The following STK32B variants were observed in gnomAD, a reference collection of about 807,000 sequenced individuals.
STK32B encodes serine/threonine-protein kinase 32B.
A neutral mutation model predicts 52.6 loss-of-function variants in STK32B; 43 were observed. The ratio of observed to expected loss-of-function variants is 0.82; its 90% CI spans 0.64 to 1.05. The LOEUF (loss-of-function observed/expected upper bound fraction) is 1.05, where lower values mean the gene tolerates loss of function less well. Ranked by LOEUF, STK32B falls within the 50% of genes least tolerant of loss-of-function variation. The pLI is 0.00. For missense variants in STK32B, 621 were observed against 534.6 expected, an observed-to-expected ratio of 1.16 and a Z score of -1.59; for synonymous variants, 238 against 204.3, an observed-to-expected ratio of 1.17 and a Z score of -1.41.
intron 11 of STK32B, among the ~76,000 whole-genome samples, chr4:5,471,081 G>T (rs1039571303): frequency 6.6e-6 from 1 of 152,208 alleles, no homozygotes; most frequent in Admixed American, 6.5e-5. Context: ...CACAGTGGGG[G>T]CTGCAAAGAT....
At chr4:5,332,816 G>A (rs1041957490) in intron 4 of STK32B, among the ~76,000 whole-genome samples, 1 of 152,172 alleles carries the variant, frequency 6.6e-6, no homozygotes, top group Non-Finnish European at 1.5e-5. Context: ...TCTCAAAAAG[G>A]ACATGAACTC....
rs1737121526 is a variant in STK32B, at chr4:5,399,166, T to A, written c.472+922T>A. ...TCAAAACTAAATTCACTGGCATTGC[T>A]TCAGGGGCCCGTCTCTCAGGGCCTA... On this transcript the variant is annotated intron_variant, in intron 5 of 11. Transcript: ENST00000282908. The surrounding 1 kb of genome is among the most constrained non-coding windows in gnomAD (Gnocchi z 5.4). Among the ~76,000 whole-genome samples the A allele has an allele frequency of 6.6e-6, 1 of 150,534 alleles. No individual in the cohort carries two copies. The highest frequency in any genetic ancestry group is 2.4e-5 in the African/African-American group (1 of 41,358).
intron 6 of STK32B, among the ~76,000 whole-genome samples, chr4:5,423,490 G>A (rs974637004): frequency 6.6e-6 from 1 of 152,164 alleles, no homozygotes; most frequent in Non-Finnish European, 1.5e-5. Context: ...AATGCCTGAT[G>A]AAAGGTAACT....
In STK32B at chr4:5,390,964, C is replaced by CTTTTTT. The variant is rs71638602; in HGVS notation, c.435-7229_435-7224dup. On this transcript the variant is annotated intron_variant, in intron 4 of 11. Coordinates refer to ENST00000282908, the MANE Select transcript of STK32B (RefSeq NM_018401.3). ...GTGTCTACCTGTGTCTCTTTTCTAT[C>CTTTTTT]TTTTTTTTTTTTTTTTTTTGAGACG... Among the ~76,000 whole-genome samples, 417 of 123,988 alleles carry CTTTTTT rather than the reference C, an allele frequency of 3.4e-3. 6 individuals carry two copies. Among genetic ancestry groups the CTTTTTT allele is most frequent in the African/African-American group, 0.011 (356 of 31,246 alleles). The allele number at this position is 123,988 out of a possible 152,430, so 81.3% of individuals were successfully genotyped here. A position where few individuals can be genotyped will look rare whatever the true frequency, so the allele number is the denominator to read the frequency against.
chr4:5,259,674 T>A (rs182878212), intron 3 of STK32B, among the ~76,000 whole-genome samples: 1 of 152,304 alleles, frequency 6.6e-6, no homozygotes, highest in Non-Finnish European at 1.5e-5. Context: ...CCTGTTTCCT[T>A]CCTCATTCTT....
the STK32B span, among the ~76,000 whole-genome samples, chr4:5,046,045 T>C: frequency 9.9e-5 from 15 of 152,252 alleles, no homozygotes; most frequent in South Asian, 3.1e-3. Flanking sequence ...AAGAAGACCC[T>C]GTATGGCCAA....
intron 3 of STK32B, among the ~76,000 whole-genome samples, chr4:5,175,891 C>G (rs931746898): frequency 1.1e-4 from 16 of 152,232 alleles, no homozygotes; most frequent in African/African-American, 3.9e-4. Flanking sequence ...CTTTGCCCTG[C>G]CCCCAGAGGT....
intron 1 of STK32B, among the ~76,000 whole-genome samples, chr4:5,053,250 C>T (rs571236015): frequency 1.1e-4 from 16 of 152,282 alleles, no homozygotes; most frequent in African/African-American, 3.4e-4. Flanking sequence ...CATTGAGAAA[C>T]CAGTGCAGGG....
At position 5,341,738 on chromosome 4, in the gene STK32B, C is replaced by T. The variant is rs140029728; in HGVS notation, c.434+10345C>T. Among the ~76,000 whole-genome samples, 18 of 152,226 alleles carry T rather than the reference C, an allele frequency of 1.2e-4. No homozygotes were observed. The South Asian group carries it at 2.7e-3, about 23-fold the overall frequency. ...GGGAAGCATGCTGCTGGCATCTGTTCGGCTTCTGGGGAGGCCTCAGGAAAC... is the reference window on the plus strand; with the variant it reads ...GGGAAGCATGCTGCTGGCATCTGTTTGGCTTCTGGGGAGGCCTCAGGAAAC... On this transcript the variant is annotated intron_variant, in intron 4 of 11. Coordinates refer to ENST00000282908, the MANE Select transcript of STK32B (RefSeq NM_018401.3).
At chr4:5,349,813 T>C (rs545211441) in intron 4 of STK32B, among the ~76,000 whole-genome samples, 139 of 152,204 alleles carry the variant, frequency 9.1e-4, no homozygotes, top group African/African-American at 2.9e-3. Context: ...GCAGAAATTC[T>C]GGAACTGAAG....
chr4:5,463,944 T>C (rs1443273532), intron 9 of STK32B, among the ~76,000 whole-genome samples: 1 of 152,184 alleles, frequency 6.6e-6, no homozygotes, highest in Non-Finnish European at 1.5e-5. Context: ...GTTGGGTAAT[T>C]TATAAAGAAG....
At chr4:5,384,862 G>A (rs1378266485) in intron 4 of STK32B, among the ~76,000 whole-genome samples, 1 of 152,156 alleles carries the variant, frequency 6.6e-6, no homozygotes, top group Non-Finnish European at 1.5e-5. Flanking sequence ...GAGGCCAGGT[G>A]TGGCCATGGA....
At chr4:5,167,448 G>C (rs565550133) in intron 2 of STK32B, among the ~76,000 whole-genome samples, 1 of 152,210 alleles carries the variant, frequency 6.6e-6, no homozygotes, top group East Asian at 1.9e-4. Context: ...GCTGTCCCCA[G>C]CTTCTCCTGT....
intron 2 of STK32B, among the ~76,000 whole-genome samples, chr4:5,160,419 G>C (rs1718348441): frequency 6.6e-6 from 1 of 152,114 alleles, no homozygotes; most frequent in Non-Finnish European, 1.5e-5. Context: ...TCATCTCTCT[G>C]AACTTCCACA....
chr4:5,260,495 G>T (rs1001755770), intron 3 of STK32B, among the ~76,000 whole-genome samples: 4 of 152,160 alleles, frequency 2.6e-5, no homozygotes, highest in Non-Finnish European at 5.9e-5. Flanking sequence ...CTTTAACTCT[G>T]CCTGGAATGA....
intron 3 of STK32B, among the ~76,000 whole-genome samples, chr4:5,231,574 G>T (rs111619771): frequency 6.6e-6 from 1 of 152,024 alleles, no homozygotes; most frequent in African/African-American, 2.4e-5. Flanking sequence ...ATTGCACCAC[G>T]GCACTCCAGC....
At chr4:5,226,283 G>A (rs1441272659) in intron 3 of STK32B, among the ~76,000 whole-genome samples, 2 of 151,970 alleles carry the variant, frequency 1.3e-5, no homozygotes, top group East Asian at 1.9e-4. Flanking sequence ...TTTCCTCCAC[G>A]TTGCATTTGT....
At chr4:5,074,952 C>G (rs1022159447) in intron 1 of STK32B, among the ~76,000 whole-genome samples, 1 of 152,252 alleles carries the variant, frequency 6.6e-6, no homozygotes, top group African/African-American at 2.4e-5. Context: ...ACTTCAAACT[C>G]TATGTCTCCA....
At chr4:5,401,296 C>T (rs1320943483) in intron 5 of STK32B, among the ~76,000 whole-genome samples, 1 of 152,152 alleles carries the variant, frequency 6.6e-6, no homozygotes, top group Non-Finnish European at 1.5e-5. Flanking sequence ...ATGACAAAAC[C>T]TTTTACAAAC....
Sources: allele counts gnomAD v4.1 joint callset (sites outside exome capture counted in the v4.1 genomes callset), GRCh38; gene constraint gnomAD v4.1.1; non-coding constraint Gnocchi (gnomAD v3.1); transcripts MANE v1.5; gene names NCBI Gene and HGNC (gene_info 2026-07-23, HGNC 2026-07-21).